RGS20: variants seen among roughly 807,000 people sequenced by gnomAD.
The protein encoded by RGS20 is gz-selective GTPase-activating protein.
A neutral mutation model predicts 33.6 loss-of-function variants in RGS20; 30 were observed. That is an observed-to-expected ratio of 0.89 (90% CI 0.67 to 1.21). The LOEUF (loss-of-function observed/expected upper bound fraction) is 1.21, where lower values mean the gene tolerates loss of function less well. RGS20 is among the 50% of genes most tolerant of loss of function. RGS20 has a pLI of 0.00. For missense variants in RGS20, 472 were observed against 502.4 expected, an observed-to-expected ratio of 0.94 and a Z score of 0.58; for synonymous variants, 208 against 197.9, an observed-to-expected ratio of 1.05 and a Z score of -0.43.
At position 53,946,760 on chromosome 8, in the gene RGS20, C is replaced by T. The variant is rs763828199; in HGVS notation, c.743+12C>T. ...ACCTGGGAAGAAAGGTGAAATCACACGTTTTTTTTACCTCACTAAACTAAC... is the reference window on the plus strand; with the variant it reads ...ACCTGGGAAGAAAGGTGAAATCACATGTTTTTTTTACCTCACTAAACTAAC... On this transcript the variant is annotated intron_variant, in intron 4 of 5. Transcript: ENST00000297313. The T allele has an allele frequency of 9.3e-6, 15 of 1,608,776 alleles. No homozygotes were observed. The Middle Eastern group carries it at 6.6e-4, about 71-fold the overall frequency.
chr8:53,885,323 T>C (rs955167716), intron 2 of RGS20, among the ~76,000 whole-genome samples: 2 of 152,150 alleles, frequency 1.3e-5, no homozygotes, highest in Admixed American at 6.5e-5. Context: ...TTAAGAATTA[T>C]ACAGCAGAGG....
At chr8:53,880,144 G>A in intron 2 of RGS20, 1 of 152,860 alleles carries the variant, frequency 6.5e-6, no homozygotes, top group South Asian at 2.1e-4. Context: ...GGGACACGCG[G>A]TGCTGCGAGT....
chr8:53,873,178 G>A (rs779725456), intron 1 of RGS20, among the ~76,000 whole-genome samples: 26 of 152,026 alleles, frequency 1.7e-4, no homozygotes, highest in East Asian at 9.6e-4. Context: ...CTCCCACTTC[G>A]TCATCTACCA....
intron 1 of RGS20, among the ~76,000 whole-genome samples, chr8:53,865,861 A>G (rs976571274): frequency 6.6e-6 from 1 of 152,110 alleles, no homozygotes; most frequent in Non-Finnish European, 1.5e-5. Flanking sequence ...ACCTGCCTCA[A>G]TGTTCCAAAG....
At chr8:53,869,501 C>A (rs1812007052) in intron 1 of RGS20, among the ~76,000 whole-genome samples, 1 of 151,984 alleles carries the variant, frequency 6.6e-6, no homozygotes, top group African/African-American at 2.4e-5. Flanking sequence ...CATGGTGAAA[C>A]CCTGTCTCTA....
Position 53,852,053 on chromosome 8 carries a change from C to A in RGS20, c.154C>A (p.Pro52Thr), listed in dbSNP as rs1233232847. ...AAATGAAGGAGACCTCAGGGCTGTT[C>A]CTGATATCAAGGTAAGGTGATTTCC... Residue 52 changes from proline to threonine, a missense_variant, in exon 1 of 6, where the codon CCT becomes ACT. Physicochemically the swap from Pro to Thr is conservative, Grantham distance 38. Transcript: ENST00000297313. 3.7e-6 allele frequency: 6 copies of A among 1,610,812 alleles called. No homozygotes were observed. Among genetic ancestry groups the A allele is most frequent in the Non-Finnish European group, 4.2e-6 (5 of 1,178,098 alleles).
chr8:53,863,697 T>C (rs1486089335), intron 1 of RGS20, among the ~76,000 whole-genome samples: 11 of 152,046 alleles, frequency 7.2e-5, no homozygotes, highest in Admixed American at 3.9e-4. Flanking sequence ...AGGTCTAAGT[T>C]GTATTTCATT....
chr8:53,858,161 C>T (rs1449753687), intron 1 of RGS20, among the ~76,000 whole-genome samples: 8 of 152,102 alleles, frequency 5.3e-5, no homozygotes, highest in Non-Finnish European at 1.0e-4. Context: ...CAGCTAATGC[C>T]TTTCAAAGTA....
At chr8:53,876,688 C>T (rs1160583846) in intron 1 of RGS20, 1 of 152,300 alleles carries the variant, frequency 6.6e-6, no homozygotes, top group Non-Finnish European at 1.5e-5. Context: ...GATTCACCCT[C>T]ATCCCCTCCC....
intron 4 of RGS20, among the ~76,000 whole-genome samples, chr8:53,948,472 T>C (rs1814606873): frequency 7.3e-6 from 1 of 137,658 alleles, no homozygotes; most frequent in Non-Finnish European, 1.5e-5. Context: ...ATACAGTATA[T>C]ATTTACATAT....
At chr8:53,868,396 G>A (rs1811967420) in intron 1 of RGS20, among the ~76,000 whole-genome samples, 1 of 152,162 alleles carries the variant, frequency 6.6e-6, no homozygotes, top group African/African-American at 2.4e-5. Flanking sequence ...GAGCGTGACA[G>A]CCAGGAGGTG....
chr8:53,892,591 G>C (rs563597645), intron 2 of RGS20, among the ~76,000 whole-genome samples: 1 of 152,134 alleles, frequency 6.6e-6, no homozygotes, highest in East Asian at 1.9e-4. Flanking sequence ...AGAGAACTAG[G>C]CTCAAACTTT....
intron 4 of RGS20, among the ~76,000 whole-genome samples, chr8:53,948,453 C>CTA: frequency 8.2e-6 from 1 of 122,324 alleles, no homozygotes; most frequent in African/African-American, 3.1e-5. Context: ...TTTACATATG[C>CTA]TATATATGAT....
At chr8:53,934,738 C>T (rs1226598223) in intron 2 of RGS20, among the ~76,000 whole-genome samples, 2 of 152,166 alleles carry the variant, frequency 1.3e-5, no homozygotes, top group Admixed American at 6.5e-5. Context: ...AGGACTTGAA[C>T]TCAGCTCTGG....
intron 1 of RGS20, among the ~76,000 whole-genome samples, chr8:53,863,522 A>G (rs1244148148): frequency 6.6e-6 from 1 of 152,168 alleles, no homozygotes; most frequent in Non-Finnish European, 1.5e-5. Flanking sequence ...CTTGAGGCTC[A>G]GTTGTAACTA....
rs189126153 is a variant in RGS20 at position 53,895,713 on chromosome 8, C to T, written c.510+16111C>T. ...AGGCTGGAGTGCAGTGGCGGGATCTCGGCTCACTGCAACCTCTGCCTCCCA... is the reference window on the plus strand; with the variant it reads ...AGGCTGGAGTGCAGTGGCGGGATCTTGGCTCACTGCAACCTCTGCCTCCCA... On this transcript the variant is annotated intron_variant, in intron 2 of 5. Coordinates refer to ENST00000297313, the MANE Select transcript of RGS20 (RefSeq NM_170587.4). Among the ~76,000 whole-genome samples the T allele has an allele frequency of 4.6e-3, 696 of 150,384 alleles. 2 individuals are homozygous for T. The highest frequency in any genetic ancestry group is 8.9e-3 in the African/African-American group (363 of 40,950).
chr8:53,950,226 T>G (rs147799607), intron 4 of RGS20, among the ~76,000 whole-genome samples: 72 of 152,284 alleles, frequency 4.7e-4, no homozygotes, highest in African/African-American at 1.6e-3. Flanking sequence ...ATTGTTCAAA[T>G]TTTAAAAAAA....
rs762647142 is a variant in RGS20, at chr8:53,879,609, A to T, written c.510+7A>T. On this transcript the variant is annotated splice_region_variant and intron_variant, in intron 2 of 5. Transcript: ENST00000297313. ...GCAGAGCTCGCCTATGCCGGTGAGT[A>T]CCGTGGTCTCCACTACGCCCCACAC... 3 of 1,479,572 alleles carry T rather than the reference A, an allele frequency of 2.0e-6. No homozygotes were observed. The Admixed American group carries it at 8.1e-5, about 40-fold the overall frequency. 91.7% of individuals were successfully genotyped at this position (1,479,572 alleles called of 1,614,324 possible). A position where few individuals can be genotyped will look rare whatever the true frequency, so the allele number is the denominator to read the frequency against.
At chr8:53,930,980 C>T (rs2129288662) in intron 2 of RGS20, among the ~76,000 whole-genome samples, 1 of 152,268 alleles carries the variant, frequency 6.6e-6, no homozygotes, top group East Asian at 1.9e-4. Flanking sequence ...AGGCTATCTC[C>T]TCCACAGGTG....
Sources: allele counts gnomAD v4.1 joint callset (sites outside exome capture counted in the v4.1 genomes callset), GRCh38; gene constraint gnomAD v4.1.1; transcripts MANE v1.5; gene names NCBI Gene and HGNC (gene_info 2026-07-23, HGNC 2026-07-21).